Variants in ZNF738 observed in about 807,000 individuals in gnomAD.
ZNF738 encodes protein ZNF738.
A neutral mutation model predicts 9.2 loss-of-function variants in ZNF738; 10 were observed. The observed-to-expected ratio is 1.09, with a 90% confidence interval of 0.67 to 1.85. The LOEUF (loss-of-function observed/expected upper bound fraction) is 1.85, where lower values mean the gene tolerates loss of function less well. Ranked by LOEUF, ZNF738 falls within the 40% of genes most tolerant of loss-of-function variation. The pLI is 0.00. For missense variants in ZNF738, 346 were observed against 283.6 expected, an observed-to-expected ratio of 1.22 and a Z score of -1.58; for synonymous variants, 113 against 94.5, an observed-to-expected ratio of 1.20 and a Z score of -1.14.
intron 4 of ZNF738, among the ~76,000 whole-genome samples, chr19:21,380,909 G>C (rs867788380): frequency 4.6e-5 from 7 of 152,050 alleles, no homozygotes; most frequent in African/African-American, 1.2e-4. Flanking sequence ...GCTAAGGAGG[G>C]CACACTGTTC....
At chr19:21,369,035 G>C (rs1029301244) in intron 2 of ZNF738, among the ~76,000 whole-genome samples, 1 of 152,088 alleles carries the variant, frequency 6.6e-6, no homozygotes, top group African/African-American at 2.4e-5. Flanking sequence ...ACAGTGCCTG[G>C]CTTTGTGTTT....
intron 4 of ZNF738, among the ~76,000 whole-genome samples, chr19:21,380,886 C>T (rs1243710759): frequency 2.6e-5 from 4 of 152,100 alleles, no homozygotes; most frequent in African/African-American, 7.2e-5. Flanking sequence ...ATGTTCAAGC[C>T]ATTCAGTAGA....
At chr19:21,362,657 A>T (rs1207545871) in intron 2 of ZNF738, among the ~76,000 whole-genome samples, 1 of 152,210 alleles carries the variant, frequency 6.6e-6, no homozygotes, top group Non-Finnish European at 1.5e-5. Flanking sequence ...TAGGGCTTGA[A>T]AGGTAGAAAA....
rs1974079891 is a variant in ZNF738, at chr19:21,387,418, A to C, written c.*3744A>C. ...TGGCCAGGCTGGTCTCAAACTCCTGACCTCAGGTGATCCGCCCACCTCGGG... is the reference window on the plus strand; with the variant it reads ...TGGCCAGGCTGGTCTCAAACTCCTGCCCTCAGGTGATCCGCCCACCTCGGG... On this transcript the variant is annotated 3_prime_UTR_variant, in exon 5 of 5. Coordinates refer to ENST00000683779, the MANE Select transcript of ZNF738 (RefSeq NM_001355237.2). Among the ~76,000 whole-genome samples the C allele has an allele frequency of 6.6e-6, 1 of 150,904 alleles. No individual in the cohort carries two copies. Among genetic ancestry groups the C allele is most frequent in the Non-Finnish European group, 1.5e-5 (1 of 67,648 alleles).
chr19:21,372,900 A>G (rs1226803949), intron 2 of ZNF738: 3 of 152,200 alleles, frequency 2.0e-5, no homozygotes, highest in African/African-American at 7.2e-5. Context: ...TGTCCTCTGT[A>G]AACTTTAGAG....
intron 4 of ZNF738, among the ~76,000 whole-genome samples, chr19:21,382,135 G>T (rs1209705646): frequency 3.6e-5 from 4 of 110,340 alleles, no homozygotes; most frequent in Admixed American, 1.3e-4. Flanking sequence ...GTGTGATTTT[G>T]ACTCACTGCT....
chr19:21,371,892 A>C (rs1004587401), intron 2 of ZNF738: 1 of 152,228 alleles, frequency 6.6e-6, no homozygotes, highest in African/African-American at 2.4e-5. Flanking sequence ...TAAAATTGAC[A>C]GCAGTGGCAA....
chr19:21,365,883 G>A (rs985432727), intron 2 of ZNF738, among the ~76,000 whole-genome samples: 1 of 151,616 alleles, frequency 6.6e-6, no homozygotes, highest in African/African-American at 2.4e-5. Context: ...CTTGAACCTG[G>A]GAGGCAGAAG....
intron 1 of ZNF738, chr19:21,360,551 T>G (rs971477221): frequency 1.3e-5 from 2 of 151,132 alleles, no homozygotes; most frequent in Non-Finnish European, 2.9e-5. Flanking sequence ...CCTCCCGGTT[T>G]TAAACAATTC....
intron 4 of ZNF738, among the ~76,000 whole-genome samples, chr19:21,381,069 AAC>A (rs1973996751): frequency 6.6e-6 from 1 of 152,202 alleles, no homozygotes; most frequent in Non-Finnish European, 1.5e-5. Flanking sequence ...TCTGGGATCT[AAC>A]ACACTAGCTT....
chr19:21,373,536 A>G (rs1973883039), intron 2 of ZNF738, among the ~76,000 whole-genome samples: 1 of 152,218 alleles, frequency 6.6e-6, no homozygotes. Context: ...AGACAGAAAT[A>G]GAGAAACATA....
chr19:21,361,306 A>G (rs993869041), intron 1 of ZNF738, among the ~76,000 whole-genome samples: 5 of 139,726 alleles, frequency 3.6e-5, no homozygotes, highest in South Asian at 2.3e-4. Flanking sequence ...ACGCCCGGCT[A>G]ATTTTTTATT....
chr19:21,376,193 CT>C, intron 4 of ZNF738: 1 of 345,096 alleles, frequency 2.9e-6, no homozygotes, highest in Non-Finnish European at 5.4e-6. Flanking sequence ...TCTACTTTCC[CT>C]TCATTGATTT....
At position 21,386,146 on chromosome 19, in the gene ZNF738, CAA is replaced by C. The variant is rs1974064733; in HGVS notation, c.*2473_*2474del. ...TAAGAAATCCTCATCCATTACTAAA[CAA>C]GATAATTTGTACTGGAGAGAAAACC... On this transcript the variant is annotated 3_prime_UTR_variant, in exon 5 of 5. Coordinates refer to ENST00000683779, the MANE Select transcript of ZNF738 (RefSeq NM_001355237.2). Among the ~76,000 whole-genome samples the C allele has an allele frequency of 6.6e-6, 1 of 150,868 alleles. No homozygotes were observed. Among genetic ancestry groups the C allele is most frequent in the Admixed American group, 6.6e-5 (1 of 15,142 alleles).
At position 21,384,132 on chromosome 19, in the gene ZNF738, C is replaced by T. The variant is rs1974039193; in HGVS notation, c.*458C>T. The T allele has an allele frequency of 1.4e-6, 2 of 1,479,802 alleles. No homozygotes were observed. The highest frequency in any genetic ancestry group is 1.9e-6 in the Non-Finnish European group (2 of 1,062,800). The allele number at this position is 1,479,802 out of a possible 1,614,324, so 91.7% of individuals were successfully genotyped here. The stretch of plus-strand genomic sequence containing the variant: ...CTACCGATTATCTTATCTTACTACA[C>T]ATAAGATGATTCATACTGTAGAGAA... On this transcript the variant is annotated 3_prime_UTR_variant, in exon 5 of 5. Coordinates refer to ENST00000683779, the MANE Select transcript of ZNF738 (RefSeq NM_001355237.2).
intron 2 of ZNF738, among the ~76,000 whole-genome samples, chr19:21,366,786 A>G (rs1973786375): frequency 6.6e-6 from 1 of 152,044 alleles, no homozygotes; most frequent in South Asian, 2.1e-4. Flanking sequence ...GGCATTTGTA[A>G]CCTCTCATGG....
rs1173382071 is a variant in ZNF738 at position 21,385,501 on chromosome 19, A to G, written c.*1827A>G. On this transcript the variant is annotated 3_prime_UTR_variant, in exon 5 of 5. Transcript: ENST00000683779. Reference sequence around the variant, plus strand: ...TAAAAAAAATAAGAGAGTTCATACTAGAGAGAAACCCTGCAAATGTGAAGA... The same window carrying G: ...TAAAAAAAATAAGAGAGTTCATACTGGAGAGAAACCCTGCAAATGTGAAGA... 6.6e-6 allele frequency among the ~76,000 whole-genome samples: 1 copy of G among 152,026 alleles called. No homozygotes were observed. The highest frequency in any genetic ancestry group is 1.5e-5 in the Non-Finnish European group (1 of 67,992).
At chr19:21,372,471 C>T (rs1973869025) in intron 2 of ZNF738, 3 of 152,156 alleles carry the variant, frequency 2.0e-5, no homozygotes, top group African/African-American at 7.2e-5. Flanking sequence ...TCTAGAGCTG[C>T]TGCTCACAGT....
intron 2 of ZNF738, among the ~76,000 whole-genome samples, chr19:21,363,968 G>A (rs975859850): frequency 8.6e-5 from 13 of 151,432 alleles, no homozygotes; most frequent in South Asian, 6.3e-4. Flanking sequence ...AGGCTGAGGC[G>A]GGCATACCAC....
Sources: allele counts gnomAD v4.1 joint callset (sites outside exome capture counted in the v4.1 genomes callset), GRCh38; gene constraint gnomAD v4.1.1; transcripts MANE v1.5; gene names NCBI Gene and HGNC (gene_info 2026-07-23, HGNC 2026-07-21).